Variants in MSN observed in about 807,000 individuals in gnomAD.
MSN encodes epididymis luminal protein 70.
In MSN, 2 loss-of-function variants were observed where a neutral mutation model predicts 48.0. That is an observed-to-expected ratio of 0.04 (90% CI 0.02 to 0.13). The LOEUF is 0.13. Ranked by LOEUF, MSN falls within the 10% of genes least tolerant of loss-of-function variation. MSN has a pLI of 1.00. For synonymous variants in MSN, 146 were observed against 166.9 expected, an observed-to-expected ratio of 0.87 and a Z score of 0.97; for missense variants, 267 against 470.1, an observed-to-expected ratio of 0.57 and a Z score of 3.99.
At chrX:65,592,441 A>C (rs1602702092) in intron 1 of MSN, among the ~76,000 whole-genome samples, 1 of 108,115 alleles carries the variant, frequency 9.2e-6, no homozygotes. Context: ...TGATCTGCCC[A>C]CCTCGGCCTT....
chrX:65,732,104 G>C, intron 6 of MSN, 120 bp downstream of exon 6: 6 of 762,241 alleles, frequency 7.9e-6, no homozygotes. Flanking sequence ...ACCTAATTTA[G>C]TCCAGCCCAG....
rs994380080 is a variant in MSN at position 65,740,800 on chromosome X, C to T, written c.*907C>T. 5.8e-6 allele frequency: 1 copy of T among 172,034 alleles called. No individual in the cohort carries two copies. Among genetic ancestry groups the T allele is most frequent in the African/African-American group, 3.0e-5 (1 of 33,775 alleles). 14.2% of individuals were successfully genotyped at this position (172,034 alleles called of 1,213,427 possible). A position where few individuals can be genotyped will look rare whatever the true frequency, so the allele number is the denominator to read the frequency against. ...AACAGTAGGGATGAGTACCCAAAAG[C>T]TCAGCCAGCCCCATCAGGACTCTTG... On this transcript the variant is annotated 3_prime_UTR_variant, in exon 13 of 13. Transcript: ENST00000360270.
intron 1 of MSN, among the ~76,000 whole-genome samples, chrX:65,622,958 T>C (rs930582039): frequency 2.7e-5 from 3 of 112,046 alleles, no homozygotes; most frequent in African/African-American, 9.7e-5. Context: ...GTTTTTATCA[T>C]CAAAAGGTAT....
chrX:65,731,739 G>T, intron 5 of MSN, 99 bp from the exon 6 acceptor site: 1 of 988,966 alleles, frequency 1.0e-6, no homozygotes. Context: ...ACTCCTGATA[G>T]CAAGATCCTT....
intron 1 of MSN, among the ~76,000 whole-genome samples, chrX:65,649,468 T>C (rs1346939914): frequency 5.0e-5 from 5 of 100,399 alleles, no homozygotes; most frequent in African/African-American, 1.1e-4. Context: ...CCCAGCTCCT[T>C]GGGAGGCTGA....
intron 1 of MSN, among the ~76,000 whole-genome samples, chrX:65,708,251 G>A (rs1476015776): frequency 2.7e-5 from 3 of 111,680 alleles, no homozygotes; most frequent in Non-Finnish European, 5.6e-5. Context: ...ACAATATATA[G>A]TGATCAGATC....
At chrX:65,707,916 A>T (rs771852286) in intron 1 of MSN, among the ~76,000 whole-genome samples, 1 of 112,430 alleles carries the variant, frequency 8.9e-6, no homozygotes, top group East Asian at 2.8e-4. Flanking sequence ...GCTACCTCTG[A>T]CACGTACACA....
chrX:65,681,363 C>T (rs1404087942), intron 1 of MSN, among the ~76,000 whole-genome samples: 4 of 111,797 alleles, frequency 3.6e-5, no homozygotes, highest in Non-Finnish European at 7.5e-5. Context: ...CAAGAAGGGG[C>T]CATTCTCCAG....
intron 2 of MSN, among the ~76,000 whole-genome samples, chrX:65,717,726 C>T (rs976983927): frequency 9.0e-6 from 1 of 111,717 alleles, no homozygotes; most frequent in Non-Finnish European, 1.9e-5. Context: ...GGCCATTATC[C>T]TATTTCTCCA....
At chrX:65,671,249 G>C (rs776943571) in intron 1 of MSN, among the ~76,000 whole-genome samples, 70 of 109,257 alleles carry the variant, frequency 6.4e-4, no homozygotes, top group Non-Finnish European at 1.2e-3. Context: ...CTTGAATCTA[G>C]GTCTTAGTTA....
intron 1 of MSN, among the ~76,000 whole-genome samples, chrX:65,651,625 T>C (rs1262410317): frequency 9.4e-6 from 1 of 106,279 alleles, no homozygotes; most frequent in African/African-American, 3.4e-5. Context: ...TTCGCTGTTC[T>C]TGTCCAGGCT....
At chrX:65,624,225 T>C (rs944943113) in intron 1 of MSN, among the ~76,000 whole-genome samples, 27 of 109,441 alleles carry the variant, frequency 2.5e-4, no homozygotes, top group Middle Eastern at 4.7e-3. Context: ...ATTACAGGCA[T>C]GCACCACCAC....
intron 1 of MSN, among the ~76,000 whole-genome samples, chrX:65,636,765 A>C (rs1205809916): frequency 9.9e-6 from 1 of 101,466 alleles, no homozygotes; most frequent in Non-Finnish European, 2.0e-5. Flanking sequence ...AAAAAAAAAA[A>C]AAAAAAAAAC....
intron 1 of MSN, among the ~76,000 whole-genome samples, chrX:65,609,343 G>A (rs1340703793): frequency 9.0e-6 from 1 of 110,769 alleles, no homozygotes; most frequent in African/African-American, 3.3e-5. Flanking sequence ...TTATTCCAAG[G>A]CAGCTCTTGA....
chrX:65,727,160 C>T (rs1212604362), intron 2 of MSN, among the ~76,000 whole-genome samples: 2 of 112,035 alleles, frequency 1.8e-5, no homozygotes, highest in African/African-American at 3.3e-5. Flanking sequence ...TCACAATCCC[C>T]GTTTTATCTT....
At chrX:65,681,316 A>T (rs772485382) in intron 1 of MSN, among the ~76,000 whole-genome samples, 6 of 111,948 alleles carry the variant, frequency 5.4e-5, no homozygotes, top group Admixed American at 1.9e-4. Context: ...TCTTTCATTA[A>T]ACGTGTGCAT....
At chrX:65,638,801 G>A (rs890149032) in intron 1 of MSN, among the ~76,000 whole-genome samples, 14 of 112,233 alleles carry the variant, frequency 1.2e-4, no homozygotes, top group Admixed American at 2.8e-4. Context: ...TGATCCACCC[G>A]CCTCAGCCTC....
chrX:65,729,966 G>T (rs1449166131), intron 4 of MSN, among the ~76,000 whole-genome samples: 1 of 112,308 alleles, frequency 8.9e-6, no homozygotes, highest in East Asian at 2.8e-4. Flanking sequence ...CTGGAGGCAG[G>T]TGCTTATATA....
intron 1 of MSN, among the ~76,000 whole-genome samples, chrX:65,681,154 T>TC (rs1019366067): frequency 9.0e-5 from 10 of 110,634 alleles, no homozygotes; most frequent in East Asian, 2.8e-4. Context: ...CTTCTTCATC[T>TC]CCCCCCCACT....
Sources: allele counts gnomAD v4.1 joint callset (sites outside exome capture counted in the v4.1 genomes callset), GRCh38; gene constraint gnomAD v4.1.1; transcripts MANE v1.5; gene names NCBI Gene and HGNC (gene_info 2026-07-23, HGNC 2026-07-21).